Variants in IGSF11 observed in about 807,000 individuals in gnomAD.
The protein encoded by IGSF11 is immunoglobulin superfamily member 11, also known as CXADR like 1.
IGSF11 carries 22 observed loss-of-function variants against 41.0 expected under a neutral mutation model. The ratio of observed to expected loss-of-function variants is 0.54; its 90% CI spans 0.38 to 0.77. The LOEUF is 0.77. IGSF11 is among the 30% of genes least tolerant of loss of function. The probability of loss-of-function intolerance (pLI) is 0.00; values close to 1 mark genes in which losing one functional copy is unlikely to be tolerated. For missense variants in IGSF11, 444 were observed against 530.8 expected, an observed-to-expected ratio of 0.84 and a Z score of 1.61; for synonymous variants, 219 against 201.3, an observed-to-expected ratio of 1.09 and a Z score of -0.74.
At chr3:118,979,808 T>C (rs1274590868) in intron 1 of IGSF11, among the ~76,000 whole-genome samples, 1 of 152,100 alleles carries the variant, frequency 6.6e-6, no homozygotes, top group African/African-American at 2.4e-5. Context: ...ATCCAGAATA[T>C]GCAATCAACA....
intron 1 of IGSF11, among the ~76,000 whole-genome samples, chr3:118,990,136 C>T (rs111623397): frequency 0.012 from 1,872 of 152,208 alleles, 46 homozygotes; most frequent in African/African-American, 0.042. Context: ...TGGACTCTCC[C>T]CCAAAATGCA....
intron 1 of IGSF11, among the ~76,000 whole-genome samples, chr3:119,096,290 T>A (rs896005144): frequency 6.6e-6 from 1 of 151,876 alleles, no homozygotes; most frequent in African/African-American, 2.4e-5. Flanking sequence ...CATGTGGAAG[T>A]GGGAAACATG....
At position 118,937,059 on chromosome 3, in the gene IGSF11, C is replaced by T. The variant is rs550116451; in HGVS notation, c.53-6784G>A. Among the ~76,000 whole-genome samples the T allele has an allele frequency of 1.3e-4, 20 of 152,298 alleles. No homozygotes were observed. The South Asian group carries it at 3.5e-3, about 27-fold the overall frequency. Reference sequence around the variant, plus strand: ...TTCTCTGATGACTATGAAGCAAGTGCTCATGTTTCAGGATTAGCCCAACTG... The same window carrying T: ...TTCTCTGATGACTATGAAGCAAGTGTTCATGTTTCAGGATTAGCCCAACTG... On this transcript the variant is annotated intron_variant, in intron 1 of 6. Transcript: ENST00000393775.
chr3:119,073,448 T>C (rs556431602), intron 1 of IGSF11, among the ~76,000 whole-genome samples: 22 of 152,264 alleles, frequency 1.4e-4, no homozygotes, highest in African/African-American at 3.4e-4. Context: ...CATGGTGCCA[T>C]GGAGCAGGTG....
At chr3:119,102,640 C>G (rs191217002) in intron 1 of IGSF11, among the ~76,000 whole-genome samples, 1 of 152,258 alleles carries the variant, frequency 6.6e-6, no homozygotes, top group African/African-American at 2.4e-5. Flanking sequence ...AATCTATACT[C>G]ATTGTTATAT....
Position 119,040,839 on chromosome 3 carries a change from T to C in IGSF11, c.49+64305A>G, listed in dbSNP as rs187109882. Among the ~76,000 whole-genome samples the C allele has an allele frequency of 3.1e-3, 472 of 152,336 alleles. 2 individuals carry two copies. The highest frequency in any genetic ancestry group is 7.7e-3 in the South Asian group (37 of 4,830). On this transcript the variant is annotated intron_variant, in intron 1 of 6. Coordinates refer to the IGSF11 transcript ENST00000354673. Reference sequence around the variant, plus strand: ...AACACATTCTTTGACCACAATGGTATTAAGGTAGATATCAATAACAAATAC... The same window carrying C: ...AACACATTCTTTGACCACAATGGTACTAAGGTAGATATCAATAACAAATAC...
At chr3:119,114,662 C>T (rs1270797294) in intron 1 of IGSF11, among the ~76,000 whole-genome samples, 1 of 152,240 alleles carries the variant, frequency 6.6e-6, no homozygotes, top group Admixed American at 6.5e-5. Context: ...TCCAAACTTT[C>T]CCTCATCTTC....
At chr3:119,049,669 T>C (rs12487389) in intron 1 of IGSF11, among the ~76,000 whole-genome samples, 26,420 of 151,896 alleles carry the variant, frequency 0.17, 2,783 homozygotes, top group South Asian at 0.29. Context: ...ATATGGAACC[T>C]AAAAAGAGCC....
At chr3:119,048,707 T>G (rs1401631301) in intron 1 of IGSF11, among the ~76,000 whole-genome samples, 1 of 151,996 alleles carries the variant, frequency 6.6e-6, no homozygotes, top group Non-Finnish European at 1.5e-5. Context: ...AAGACAATTT[T>G]AGACCAATAT....
intron 1 of IGSF11, among the ~76,000 whole-genome samples, chr3:118,954,065 A>C (rs957082968): frequency 4.6e-5 from 7 of 152,174 alleles, no homozygotes; most frequent in Admixed American, 2.0e-4. Context: ...ATACATCTTG[A>C]GTTGATTTTT....
At position 119,131,705 on chromosome 3, in the gene IGSF11, A is replaced by G. The variant is rs550931308; in HGVS notation, c.-14+14108T>C. On this transcript the variant is annotated intron_variant, in intron 1 of 7. Transcript: ENST00000425327. ...AAATTCAGGAAATACAGAGAACACC[A>G]CAAAGATACTCCTCAAGAAGACTAA... 2.6e-5 allele frequency among the ~76,000 whole-genome samples: 4 copies of G among 152,306 alleles called. No individual in the cohort carries two copies. In the East Asian group the frequency reaches 7.7e-4, roughly 29 times the overall value.
chr3:118,911,310 G>T (rs1260236288), intron 4 of IGSF11, among the ~76,000 whole-genome samples: 2 of 152,116 alleles, frequency 1.3e-5, no homozygotes, highest in Admixed American at 1.3e-4. Context: ...TGATGAAGGA[G>T]AAATAAGCAC....
intron 4 of IGSF11, among the ~76,000 whole-genome samples, chr3:118,913,845 C>G (rs1940671479): frequency 6.6e-6 from 1 of 152,014 alleles, no homozygotes; most frequent in African/African-American, 2.4e-5. Flanking sequence ...TATACTAAAG[C>G]CAAGAAAATA....
chr3:118,956,205 G>T (rs1308701123), intron 1 of IGSF11, among the ~76,000 whole-genome samples: 2 of 152,162 alleles, frequency 1.3e-5, no homozygotes, highest in Non-Finnish European at 2.9e-5. Context: ...CAGAAATGTT[G>T]TGGCCGGTTT....
rs936028911 is a variant in IGSF11, at chr3:119,005,800, C to A, written c.52+28731G>T. ...AATGTTGAATATCGGCCCCCACTCT[C>A]TTCTGGCTTGTAGGGTTTCTGCCGA... On this transcript the variant is annotated intron_variant, in intron 1 of 6. Coordinates refer to ENST00000393775, the MANE Select transcript of IGSF11 (RefSeq NM_001015887.3). 3.5e-4 allele frequency among the ~76,000 whole-genome samples: 39 copies of A among 110,910 alleles called. 7 individuals are homozygous for A. Among genetic ancestry groups the A allele is most frequent in the African/African-American group, 2.1e-3 (39 of 18,658 alleles). The allele number at this position is 110,910 out of a possible 152,430, so 72.8% of individuals were successfully genotyped here. A position where few individuals can be genotyped will look rare whatever the true frequency, so the allele number is the denominator to read the frequency against.
intron 1 of IGSF11, among the ~76,000 whole-genome samples, chr3:119,093,486 T>C (rs1323257609): frequency 6.6e-6 from 1 of 152,120 alleles, no homozygotes; most frequent in Non-Finnish European, 1.5e-5. Context: ...AGTAAATGCC[T>C]GTACCCAGCC....
At chr3:118,990,869 T>A (rs190411313) in intron 1 of IGSF11, among the ~76,000 whole-genome samples, 1 of 152,104 alleles carries the variant, frequency 6.6e-6, no homozygotes, top group Non-Finnish European at 1.5e-5. Flanking sequence ...CAAGGGTATG[T>A]ATATATGTGT....
At chr3:119,099,902 T>C (rs1231890214) in intron 1 of IGSF11, among the ~76,000 whole-genome samples, 1 of 152,180 alleles carries the variant, frequency 6.6e-6, no homozygotes, top group Non-Finnish European at 1.5e-5. Context: ...TTGAACCCAA[T>C]GTACACTGTA....
At chr3:119,124,216 C>T (rs1018478237) in intron 1 of IGSF11, among the ~76,000 whole-genome samples, 3 of 148,296 alleles carry the variant, frequency 2.0e-5, no homozygotes, top group African/African-American at 7.4e-5. Flanking sequence ...AATAAGCACA[C>T]ATTCTGGAGC....
Sources: allele counts gnomAD v4.1 joint callset (sites outside exome capture counted in the v4.1 genomes callset), GRCh38; gene constraint gnomAD v4.1.1; transcripts MANE v1.5; gene names NCBI Gene and HGNC (gene_info 2026-07-23, HGNC 2026-07-21).